Variants in ITPKB observed in about 807,000 individuals in gnomAD.
The protein encoded by ITPKB is IP3 3-kinase B.
In ITPKB, 13 loss-of-function variants were observed where a neutral mutation model predicts 69.4. That is an observed-to-expected ratio of 0.19 (90% confidence interval 0.12 to 0.30). ITPKB has a LOEUF of 0.30. Among genes scored for constraint, ITPKB ranks in the 10% least tolerant of loss-of-function variants. The probability of loss-of-function intolerance (pLI) is 1.00; values close to 1 mark genes in which losing one functional copy is unlikely to be tolerated. For synonymous variants in ITPKB, 584 were observed against 513.7 expected (o/e 1.14, Z -1.85); for missense variants, 1,240 against 1,250.5 (o/e 0.99, Z 0.13).
At position 226,641,677 on chromosome 1, in the gene ITPKB, C is replaced by T. The variant is rs547331344; in HGVS notation, c.2451+244G>A. ...CCGTCTGGGCTAAATGGAGAGTCCT[C>T]GGCAGAGGGCTGACAGCTGGGCAGG... is the stretch of plus-strand genomic sequence containing the variant. On this transcript the variant is annotated intron_variant, in intron 5 of 7. Transcript: ENST00000429204. This position sits in a 1 kb window ranked among gnomAD's most constrained non-coding sequence, Gnocchi z 4.6. 3.9e-5 allele frequency among the ~76,000 whole-genome samples: 6 copies of T among 152,360 alleles called. No individual in the cohort carries two copies. The highest frequency in any genetic ancestry group is 1.4e-4 in the African/African-American group (6 of 41,602).
At chr1:226,727,790 T>C (rs922160682) in intron 2 of ITPKB, among the ~76,000 whole-genome samples, 1 of 151,756 alleles carries the variant, frequency 6.6e-6, no homozygotes, top group Non-Finnish European at 1.5e-5. Context: ...TTCAGAAGAG[T>C]TCTCCTTGGC....
chr1:226,678,946 G>A (rs1343708246), intron 2 of ITPKB, among the ~76,000 whole-genome samples: 1 of 152,248 alleles, frequency 6.6e-6, no homozygotes, highest in Non-Finnish European at 1.5e-5. Context: ...CGCCTCTGCG[G>A]AGGGCTACTG....
chr1:226,732,931 A>C (rs2102651336), intron 2 of ITPKB, among the ~76,000 whole-genome samples: 1 of 152,328 alleles, frequency 6.6e-6, no homozygotes, highest in East Asian at 1.9e-4. Flanking sequence ...ACACCAAGTC[A>C]TACACACTCA....
intron 4 of ITPKB, among the ~76,000 whole-genome samples, chr1:226,644,268 C>T (rs1330221934): frequency 6.6e-6 from 1 of 152,204 alleles, no homozygotes; most frequent in Non-Finnish European, 1.5e-5. Context: ...GAAGGTGAGG[C>T]TCAGCCCCTC....
intron 2 of ITPKB, among the ~76,000 whole-genome samples, chr1:226,712,957 G>A (rs576744352): frequency 6.6e-6 from 1 of 150,558 alleles, no homozygotes; most frequent in African/African-American, 2.4e-5. Flanking sequence ...GTGGGTGTAC[G>A]CATGTGCCCA....
intron 2 of ITPKB, among the ~76,000 whole-genome samples, chr1:226,683,617 G>A (rs188368346): frequency 6.6e-6 from 1 of 152,196 alleles, no homozygotes; most frequent in East Asian, 1.9e-4. Context: ...AGACGGTGGC[G>A]GGGGAAGGGG....
intron 2 of ITPKB, among the ~76,000 whole-genome samples, chr1:226,653,760 T>C (rs1026026064): frequency 3.3e-5 from 5 of 152,040 alleles, no homozygotes; most frequent in Non-Finnish European, 7.4e-5. Flanking sequence ...GGCAGGGTGG[T>C]TAAACCAACT....
chr1:226,635,195 GCCTT>G (rs1288025624), intron 7 of ITPKB, among the ~76,000 whole-genome samples: 2 of 151,640 alleles, frequency 1.3e-5, no homozygotes, highest in African/African-American at 4.8e-5. Flanking sequence ...CTTCCTTCCT[GCCTT>G]CCTTCTTTTC....
chr1:226,653,372 A>C (rs1003333427), intron 2 of ITPKB, among the ~76,000 whole-genome samples: 1 of 152,186 alleles, frequency 6.6e-6, no homozygotes, highest in Non-Finnish European at 1.5e-5. Context: ...CAGGAAGGAC[A>C]AGAGCAAGAT....
chr1:226,715,766 G>A (rs189903502), intron 2 of ITPKB, among the ~76,000 whole-genome samples: 2 of 152,166 alleles, frequency 1.3e-5, no homozygotes, highest in East Asian at 1.9e-4. Context: ...CCTTCAAAAC[G>A]TGCAAGATTT....
chr1:226,703,519 T>TCCCGCGCGCGCTCTGCCCGCCG (rs1171168660), intron 2 of ITPKB, among the ~76,000 whole-genome samples: 31 of 152,104 alleles, frequency 2.0e-4, no homozygotes, highest in African/African-American at 2.2e-4. Flanking sequence ...TCCTCTCTCC[T>TCCCGCGCGCGCTCTGCCCGCCG]CCCGCGCGCG....
intron 2 of ITPKB, among the ~76,000 whole-genome samples, chr1:226,713,490 C>T (rs1657024394): frequency 6.6e-6 from 1 of 152,196 alleles, no homozygotes; most frequent in Admixed American, 6.5e-5. Flanking sequence ...GGTGTCATCC[C>T]GTTTTAGATC....
intron 2 of ITPKB, among the ~76,000 whole-genome samples, chr1:226,686,722 A>C (rs1372185125): frequency 2.0e-5 from 3 of 152,248 alleles, no homozygotes; most frequent in African/African-American, 7.2e-5. Context: ...ATGAAAGATC[A>C]TGTGTAGCTG....
At chr1:226,660,745 A>C (rs1406735502) in intron 2 of ITPKB, among the ~76,000 whole-genome samples, 3 of 152,226 alleles carry the variant, frequency 2.0e-5, no homozygotes, top group Non-Finnish European at 4.4e-5. Context: ...CAATAGGAGG[A>C]AACAGGGAGT....
At chr1:226,713,387 C>T (rs1295774687) in intron 2 of ITPKB, among the ~76,000 whole-genome samples, 1 of 152,168 alleles carries the variant, frequency 6.6e-6, no homozygotes, top group Non-Finnish European at 1.5e-5. Flanking sequence ...AGGGAAGTGG[C>T]AAACAATTGC....
At chr1:226,674,732 C>T (rs1368657383) in intron 2 of ITPKB, among the ~76,000 whole-genome samples, 4 of 152,050 alleles carry the variant, frequency 2.6e-5, no homozygotes, top group African/African-American at 9.7e-5. Flanking sequence ...TTGTATCCCC[C>T]ATTCCCTTTC....
chr1:226,730,597 CT>C (rs1657561207), intron 2 of ITPKB, among the ~76,000 whole-genome samples: 1 of 152,182 alleles, frequency 6.6e-6, no homozygotes. Context: ...TCACAACATG[CT>C]TTAGAAGACT....
chr1:226,636,999 C>T (rs1249239190), intron 7 of ITPKB, among the ~76,000 whole-genome samples: 1 of 151,766 alleles, frequency 6.6e-6, no homozygotes, highest in African/African-American at 2.4e-5. Context: ...TGAGTGTGAT[C>T]TGTGAAGGTG....
At chr1:226,677,838 A>T (rs1255720665) in intron 2 of ITPKB, among the ~76,000 whole-genome samples, 1 of 152,366 alleles carries the variant, frequency 6.6e-6, no homozygotes, top group African/African-American at 2.4e-5. Context: ...GCAGGAAAAC[A>T]ACCATGTGGA....
Sources: gnomAD v4.1 joint callset for allele counts (sites outside exome capture counted in the v4.1 genomes callset) on GRCh38, gnomAD v4.1.1 for gene constraint, Gnocchi (gnomAD v3.1) non-coding constraint, MANE v1.5 for transcripts, NCBI Gene and HGNC (gene_info 2026-07-23, HGNC 2026-07-21) for gene names.